CARMIL2: variants seen among roughly 807,000 people sequenced by gnomAD.
CARMIL2 encodes capping protein, Arp2/3 and myosin-I linker protein 2.
CARMIL2 carries 96 observed loss-of-function variants against 173.3 expected under a neutral mutation model. The ratio of observed to expected loss-of-function variants is 0.55; its 90% CI spans 0.47 to 0.66. CARMIL2 has a LOEUF of 0.66. CARMIL2 is among the 30% of genes least tolerant of loss of function. CARMIL2 has a pLI of 0.00. For missense variants in CARMIL2, 1,771 were observed against 1,906.7 expected, an observed-to-expected ratio of 0.93 and a Z score of 1.33; for synonymous variants, 830 against 817.1, an observed-to-expected ratio of 1.02 and a Z score of -0.27.
rs781174749 is a variant in CARMIL2 at position 67,646,782 on chromosome 16, T to C, written c.535T>C (p.Trp179Arg). ...NGFPFREEIQ[W>R]DVDTIYHRQG... Reference sequence around the variant, plus strand: ...CTTCCCTTTCCGAGAGGAGATTCAGTGGGTGAGGGTAGGGCCCTTTTGAAG... The same window carrying C: ...CTTCCCTTTCCGAGAGGAGATTCAGCGGGTGAGGGTAGGGCCCTTTTGAAG... Residue 179 changes from tryptophan (W) to arginine (R), a missense_variant and splice_region_variant, in exon 7 of 38, where the codon TGG (tryptophan) becomes CGG (arginine). Trp to Arg is a moderately radical substitution (Grantham distance 101). Transcript: ENST00000334583. This position sits in a 1 kb window ranked among gnomAD's most constrained non-coding sequence, Gnocchi z 4.6. 8.1e-6 allele frequency: 13 copies of C among 1,613,852 alleles called. No homozygotes were observed. The highest frequency in any genetic ancestry group is 1.1e-5 in the South Asian group (1 of 91,056).
Position 67,648,633 on chromosome 16 carries a change from C to T in CARMIL2, c.1440-52C>T. 3.2e-6 allele frequency: 5 copies of T among 1,552,008 alleles called. No individual in the cohort carries two copies. The highest frequency in any genetic ancestry group is 4.4e-6 in the Non-Finnish European group (5 of 1,141,438). ...CTGGCCCTGCCTCCTTCGTTCGCAC[C>T]CTGGAGCCCCCTGTCCCAGCTCCCG... On this transcript the variant is annotated intron_variant, in intron 15 of 37. Coordinates refer to ENST00000334583, the MANE Select transcript of CARMIL2 (RefSeq NM_001013838.3). The surrounding 1 kb of genome is among the most constrained non-coding windows in gnomAD (Gnocchi z 6.1).
Position 67,651,625 on chromosome 16 carries a change from C to A in CARMIL2, c.2428-60C>A. On this transcript the variant is annotated intron_variant, in intron 24 of 37. Transcript: ENST00000334583. The surrounding 1 kb of genome is among the most constrained non-coding windows in gnomAD (Gnocchi z 4.2). ...CAATATTCTGTTGGAGTTGGAGCCT[C>A]AAGCCAGCAGCCTGGTGTCTGGCCA... The A allele has an allele frequency of 6.3e-7, 1 of 1,580,848 alleles. No homozygotes were observed.
intron 34 of CARMIL2, 39 bp downstream of exon 34, chr16:67,656,338 G>A: frequency 6.2e-7 from 1 of 1,612,722 alleles, no homozygotes; most frequent in South Asian, 1.1e-5. Flanking sequence ...AGTGGGAGCA[G>A]GGACAGGCAG....
rs2052651943 is a variant in CARMIL2, at chr16:67,648,733, C to G, written c.1488C>G (p.His496Gln). The G allele has an allele frequency of 1.9e-6, 3 of 1,607,594 alleles. No homozygotes were observed. Among genetic ancestry groups the G allele is most frequent in the Non-Finnish European group, 2.5e-6 (3 of 1,177,330 alleles). Residue 496 changes from histidine to glutamine, a missense_variant, in exon 16 of 38, where the codon CAC becomes CAG. Coordinates refer to ENST00000334583, the MANE Select transcript of CARMIL2 (RefSeq NM_001013838.3). The surrounding 1 kb of genome is among the most constrained non-coding windows in gnomAD (Gnocchi z 6.1). ...LALNTHLRDL[H>Q]LDLSACELRS... is the part of the protein sequence containing the mutation. Reference sequence around the variant, plus strand: ...TCAACACGCACCTCCGCGACCTGCACCTGGACCTCAGCGCTTGCGAGGTGA... The same window carrying G: ...TCAACACGCACCTCCGCGACCTGCAGCTGGACCTCAGCGCTTGCGAGGTGA...
intron 22 of CARMIL2, chr16:67,650,881 A>T: frequency 3.2e-6 from 1 of 316,700 alleles, no homozygotes; most frequent in Non-Finnish European, 5.9e-6. Flanking sequence ...AGGGCTACTC[A>T]CTCCCTTTTC....
Position 67,648,900 on chromosome 16 carries a change from C to T in CARMIL2, c.1517C>T (p.Ser506Leu), listed in dbSNP as rs2052657866. Residue 506 changes from serine to leucine, a missense_variant, in exon 17 of 38, where the codon TCG becomes TTG. Ser to Leu is a moderately radical substitution (Grantham distance 145, BLOSUM62 -2). This residue lies in a region of CARMIL2 where 944 missense variants were observed against 975.6 expected (regional missense o/e 0.97). Coordinates refer to ENST00000334583, the MANE Select transcript of CARMIL2 (RefSeq NM_001013838.3). This position sits in a 1 kb window ranked among gnomAD's most constrained non-coding sequence, Gnocchi z 6.1. ...HLDLSACELR[S>L]AGAQVIQDLV... Reference sequence around the variant, plus strand: ...CCCACCTCCCACATACAGCTGCGCTCGGCCGGCGCCCAGGTGATACAAGAC... The same window carrying T: ...CCCACCTCCCACATACAGCTGCGCTTGGCCGGCGCCCAGGTGATACAAGAC... The T allele has an allele frequency of 3.1e-6, 5 of 1,605,190 alleles. No individual in the cohort carries two copies. The highest frequency in any genetic ancestry group is 4.2e-6 in the Non-Finnish European group (5 of 1,176,484).
Position 67,648,768 on chromosome 16 carries a change from C to T in CARMIL2, c.1509+14C>T, listed in dbSNP as rs200523413. The T allele has an allele frequency of 1.3e-6, 2 of 1,595,386 alleles. No individual in the cohort carries two copies. The highest frequency in any genetic ancestry group is 1.1e-5 in the South Asian group (1 of 88,146). On this transcript the variant is annotated intron_variant, in intron 16 of 37. Coordinates refer to ENST00000334583, the MANE Select transcript of CARMIL2 (RefSeq NM_001013838.3). This position sits in a 1 kb window ranked among gnomAD's most constrained non-coding sequence, Gnocchi z 6.1. ...AGCGCTTGCGAGGTGAGCGCCGGCC[C>T]CCAGAAGAGACCACACATTGGGAGA...
At chr16:67,656,201 A>C in intron 33 of CARMIL2, 27 bp from the exon 34 acceptor site, 1 of 1,613,444 alleles carries the variant, frequency 6.2e-7, no homozygotes, top group South Asian at 1.1e-5. Flanking sequence ...AAGGTCTGGT[A>C]CCTGAGTCCC....
rs775730722 is a variant in CARMIL2 at position 67,648,108 on chromosome 16, C to T, written c.1128C>T (p.Gly376=). 4 of 1,613,066 alleles carry T rather than the reference C, an allele frequency of 2.5e-6. No homozygotes were observed. Among genetic ancestry groups the T allele is most frequent in the Non-Finnish European group, 2.5e-6 (3 of 1,179,588 alleles). The stretch of plus-strand genomic sequence containing the variant: ...TACTGTCGTTCCTGAATCTCGCAGG[C>T]ACCGACACTGCCCTGGACACTGTGA... ...PNVLSFLNLA[G]TDTALDTVRG... Residue 376 remains glycine (G), a synonymous_variant, in exon 14 of 38, where the codon GGC becomes GGT. Transcript: ENST00000334583. This position sits in a 1 kb window ranked among gnomAD's most constrained non-coding sequence, Gnocchi z 6.1.
Position 67,654,371 on chromosome 16 carries a change from C to T in CARMIL2, c.3261C>T (p.Ala1087=). The T allele has an allele frequency of 6.2e-7, 1 of 1,604,464 alleles. No homozygotes were observed. Among genetic ancestry groups the T allele is most frequent in the Non-Finnish European group, 8.5e-7 (1 of 1,175,968 alleles). Residue 1087 remains alanine (A), a synonymous_variant, in exon 31 of 38, where the codon GCC becomes GCT. Transcript: ENST00000334583. ...AGGACCCGGCCACTGAGGGGGGCGC[C>T]ACTCCTGTCCCCCGTACACTGCGAA... ...PEEDPATEGG[A]TPVPRTLRKK...
In CARMIL2 at chr16:67,649,628, G is replaced by A. The variant is rs1460531834; in HGVS notation, c.1919+9G>A. On this transcript the variant is annotated intron_variant, in intron 20 of 37. Coordinates refer to ENST00000334583, the MANE Select transcript of CARMIL2 (RefSeq NM_001013838.3). The surrounding 1 kb of genome is among the most constrained non-coding windows in gnomAD (Gnocchi z 6.7). ...GTCAACTCGAGGCTCCGGTGGGCGG[G>A]GTCAGAGGGGTGGGACCAGCGGGCA... is the stretch of plus-strand genomic sequence containing the variant. 6.3e-7 allele frequency: 1 copy of A among 1,585,874 alleles called. No individual in the cohort carries two copies. The highest frequency in any genetic ancestry group is 1.1e-5 in the South Asian group (1 of 89,588).
chr16:67,651,227 A>G lies in CARMIL2; in HGVS notation c.2225A>G (p.Glu742Gly), dbSNP rs1157985077. 1 of 1,613,556 alleles carries G rather than the reference A, an allele frequency of 6.2e-7. No homozygotes were observed. The highest frequency in any genetic ancestry group is 1.1e-5 in the South Asian group (1 of 91,082). The change falls in exon 23 of 38, where the codon GAG becomes GGG. Residue 742 changes from glutamate to glycine, a missense_variant. By Grantham distance (98) the Glu-to-Gly change is moderately conservative. This residue lies in a region of CARMIL2 where 10 missense variants were observed against 27.6 expected (regional missense o/e 0.36). Transcript: ENST00000334583. The surrounding 1 kb of genome is among the most constrained non-coding windows in gnomAD (Gnocchi z 4.2). ...ELCQSVQEHV[E>G]LLGCGAGPQG... is the part of the protein sequence containing the mutation. ...TGTCAGTCGGTGCAGGAGCATGTGG[A>G]GCTGCTGGGCTGTGGGGCTGGGCCC... is the stretch of plus-strand genomic sequence containing the variant.
Position 67,645,528 on chromosome 16 carries a change from G to A in CARMIL2, c.41-12G>A. ...AAGGACTGAAGTCACCCAGCAGGCT[G>A]CCCTTCCACAGGCGAGATCACCAGG... On this transcript the variant is annotated splice_polypyrimidine_tract_variant and intron_variant, in intron 1 of 37. Transcript: ENST00000334583. 6.3e-7 allele frequency: 1 copy of A among 1,586,656 alleles called. No homozygotes were observed.
chr16:67,649,136 A>C lies in CARMIL2; in HGVS notation c.1652A>C (p.His551Pro). 1 of 1,613,600 alleles carries C rather than the reference A, an allele frequency of 6.2e-7. No individual in the cohort carries two copies. Among genetic ancestry groups the C allele is most frequent in the Non-Finnish European group, 8.5e-7 (1 of 1,179,800 alleles). ...LAIGRSRSLR[H>P]VALGRNFNVR... The stretch of plus-strand genomic sequence containing the variant: ...ATCGGGAGAAGCCGGTCCCTGAGAC[A>C]TGTGGCGCTTGGAAGGAACTTCAAC... The change falls in exon 18 of 38, where the codon CAT becomes CCT. Residue 551 changes from histidine (H) to proline (P), a missense_variant. His to Pro is a moderately conservative substitution (Grantham distance 77, BLOSUM62 -2). This residue lies in a region of CARMIL2 where 944 missense variants were observed against 975.6 expected (regional missense o/e 0.97). Coordinates refer to ENST00000334583, the MANE Select transcript of CARMIL2 (RefSeq NM_001013838.3). The surrounding 1 kb of genome is among the most constrained non-coding windows in gnomAD (Gnocchi z 6.7).
At position 67,648,935 on chromosome 16, in the gene CARMIL2, G is replaced by A; in HGVS notation, c.1552G>A (p.Asp518Asn). 6.2e-7 allele frequency: 1 copy of A among 1,609,568 alleles called. No homozygotes were observed. The highest frequency in any genetic ancestry group is 8.5e-7 in the Non-Finnish European group (1 of 1,178,248). ...CCAGGTGATACAAGACTTAGTGTGCGACGCAGGCGCTGTGAGCTCCCTGGA... is the reference window on the plus strand; with the variant it reads ...CCAGGTGATACAAGACTTAGTGTGCAACGCAGGCGCTGTGAGCTCCCTGGA... ...GAQVIQDLVCDAGAVSSLDLA... is the reference protein window; with the variant it reads ...GAQVIQDLVCNAGAVSSLDLA... The change falls in exon 17 of 38, where the codon GAC becomes AAC. Residue 518 changes from aspartate to asparagine, a missense_variant. This residue lies in a region of CARMIL2 where 944 missense variants were observed against 975.6 expected (regional missense o/e 0.97). Coordinates refer to ENST00000334583, the MANE Select transcript of CARMIL2 (RefSeq NM_001013838.3). This position sits in a 1 kb window ranked among gnomAD's most constrained non-coding sequence, Gnocchi z 6.1.
chr16:67,651,969 T>C lies in CARMIL2; in HGVS notation c.2637T>C (p.Ala879=). Residue 879 remains alanine (A), a synonymous_variant, in exon 26 of 38, where the codon GCT becomes GCC. Coordinates refer to ENST00000334583, the MANE Select transcript of CARMIL2 (RefSeq NM_001013838.3). This position sits in a 1 kb window ranked among gnomAD's most constrained non-coding sequence, Gnocchi z 4.2. ...GGACCTTGGCAGAGAGCATTGTGGC[T>C]CAGGCTTTGGCAGGCCTGAGTGCAG... ...ITGTLAESIV[A]QALAGLSAAR... 1 of 1,613,620 alleles carries C rather than the reference T, an allele frequency of 6.2e-7. No individual in the cohort carries two copies. The highest frequency in any genetic ancestry group is 8.5e-7 in the Non-Finnish European group (1 of 1,179,872).
Position 67,657,184 on chromosome 16 carries a change from G to A in CARMIL2, c.4118-55G>A, listed in dbSNP as rs1427217382. The A allele has an allele frequency of 3.3e-6, 5 of 1,502,184 alleles. No individual in the cohort carries two copies. The African/African-American group carries it at 4.1e-5, about 12-fold the overall frequency. The allele number at this position is 1,502,184 out of a possible 1,614,324, so 93.1% of individuals were successfully genotyped here. On this transcript the variant is annotated intron_variant, in intron 36 of 37. Coordinates refer to ENST00000334583, the MANE Select transcript of CARMIL2 (RefSeq NM_001013838.3). This position sits in a 1 kb window ranked among gnomAD's most constrained non-coding sequence, Gnocchi z 4.5. ...CTGGAGGTGGAAGAGAGGGGCAGGG[G>A]ATGGACAGACCCCAAGCCTTAGCAA...
At position 67,645,189 on chromosome 16, in the gene CARMIL2, G is replaced by T; in HGVS notation, c.-58G>T. 1.4e-6 allele frequency: 2 copies of T among 1,425,932 alleles called. No homozygotes were observed. Among genetic ancestry groups the T allele is most frequent in the Non-Finnish European group, 1.9e-6 (2 of 1,041,776 alleles). 88.3% of individuals were successfully genotyped at this position (1,425,932 alleles called of 1,614,324 possible). A position where few individuals can be genotyped will look rare whatever the true frequency, so the allele number is the denominator to read the frequency against. The stretch of plus-strand genomic sequence containing the variant: ...TGGGCCCCAGGCTTCCTGTGTGCGC[G>T]CTCGTCCTCTGCTGTTTCCCGCCGG... On this transcript the variant is annotated 5_prime_UTR_variant, in exon 1 of 38. Coordinates refer to ENST00000334583, the MANE Select transcript of CARMIL2 (RefSeq NM_001013838.3).
At chr16:67,655,356 TG>T (rs1181215387) in intron 32 of CARMIL2, among the ~76,000 whole-genome samples, 1 of 152,188 alleles carries the variant, frequency 6.6e-6, no homozygotes, top group Non-Finnish European at 1.5e-5. Flanking sequence ...TGCTTGAACC[TG>T]GGAGACAGGT....
Sources: allele counts gnomAD v4.1 joint callset (sites outside exome capture counted in the v4.1 genomes callset), GRCh38; gene constraint gnomAD v4.1.1; regional missense constraint gnomAD v4.1.1; non-coding constraint Gnocchi (gnomAD v3.1); transcripts MANE v1.5; gene names NCBI Gene and HGNC (gene_info 2026-07-23, HGNC 2026-07-21).